Variants in TECTA observed in about 807,000 individuals in gnomAD.
The protein encoded by TECTA is tectorin alpha, also known as alpha-tectorin.
TECTA carries 128 observed loss-of-function variants against 216.8 expected under a neutral mutation model. The ratio of observed to expected loss-of-function variants is 0.59; its 90% CI spans 0.51 to 0.68. The LOEUF is 0.68. Ranked by LOEUF, TECTA falls within the 30% of genes least tolerant of loss-of-function variation. TECTA has a pLI of 0.00. For synonymous variants in TECTA, 1,089 were observed against 1,117.1 expected (o/e 0.97, Z 0.50); for missense variants, 2,551 against 2,786.2 (o/e 0.92, Z 1.90).
intron 20 of TECTA, among the ~76,000 whole-genome samples, chr11:121,177,144 T>A (rs1218518795): frequency 1.3e-5 from 2 of 152,198 alleles, no homozygotes; most frequent in Non-Finnish European, 2.9e-5. Context: ...CTCGGAGTAG[T>A]TTGATTGTCT....
chr11:121,190,109 G>T (rs1947327276), intron 23 of TECTA: 2 of 530,544 alleles, frequency 3.8e-6, no homozygotes, highest in Non-Finnish European at 6.8e-6. Flanking sequence ...AAATATAAAG[G>T]TAATTTAAAA....
rs567915339 is a variant in TECTA at position 121,145,911 on chromosome 11, G to T, written c.3900G>T (p.Leu1300=). Residue 1300 remains leucine (L), a synonymous_variant, in exon 12 of 24, where the codon CTG becomes CTT. Coordinates refer to ENST00000392793, the MANE Select transcript of TECTA (RefSeq NM_005422.4). ...KVEGFSKVQQ[L]CSLIPNQNAA... ...AAGGTTTCTCCAAAGTGCAGCAGCT[G>T]TGCAGCCTGATCCCCAACCAGAACG... is the stretch of plus-strand genomic sequence containing the variant. The T allele has an allele frequency of 6.2e-7, 1 of 1,614,266 alleles. No individual in the cohort carries two copies. The highest frequency in any genetic ancestry group is 1.1e-5 in the South Asian group (1 of 91,086).
chr11:121,130,947 G>GGCAGGAGTAAT (rs1222968837), intron 10 of TECTA, among the ~76,000 whole-genome samples: 3 of 152,028 alleles, frequency 2.0e-5, no homozygotes, highest in African/African-American at 7.3e-5. Context: ...GGGCATGGTG[G>GGCAGGAGTAAT]CTCACGCCTG....
chr11:121,173,108 G>C (rs1263474973), intron 20 of TECTA, among the ~76,000 whole-genome samples: 1 of 152,054 alleles, frequency 6.6e-6, no homozygotes, highest in Non-Finnish European at 1.5e-5. Flanking sequence ...CAGATGAGTA[G>C]GTTCCAAAAA....
intron 20 of TECTA, among the ~76,000 whole-genome samples, chr11:121,180,346 A>C (rs1171774384): frequency 6.6e-6 from 1 of 152,092 alleles, no homozygotes; most frequent in Non-Finnish European, 1.5e-5. Context: ...CTTGTCTGGG[A>C]AATACTATTT....
intron 11 of TECTA, among the ~76,000 whole-genome samples, chr11:121,140,576 C>T (rs1333645797): frequency 1.3e-5 from 2 of 152,214 alleles, no homozygotes; most frequent in Admixed American, 6.5e-5. Context: ...AACTCGTTCT[C>T]TCACAGTTCT....
At chr11:121,173,940 C>A (rs1223160320) in intron 20 of TECTA, among the ~76,000 whole-genome samples, 3 of 151,512 alleles carry the variant, frequency 2.0e-5, no homozygotes, top group Non-Finnish European at 3.0e-5. Context: ...GTATTTTATT[C>A]TCTTTGAAGC....
At chr11:121,117,618 C>T (rs1591439531) in intron 6 of TECTA, among the ~76,000 whole-genome samples, 1 of 152,254 alleles carries the variant, frequency 6.6e-6, no homozygotes, top group Non-Finnish European at 1.5e-5. Flanking sequence ...AAGGTCTGTC[C>T]GGTGCATAGA....
intron 10 of TECTA, among the ~76,000 whole-genome samples, chr11:121,135,312 A>G (rs922539471): frequency 5.3e-5 from 8 of 152,216 alleles, no homozygotes; most frequent in South Asian, 2.1e-4. Flanking sequence ...TCACACAGGC[A>G]TTCCGGGGCC....
intron 6 of TECTA, among the ~76,000 whole-genome samples, chr11:121,114,280 A>G (rs560294643): frequency 2.0e-5 from 3 of 152,328 alleles, no homozygotes; most frequent in African/African-American, 7.2e-5. Flanking sequence ...GGAGAATCAA[A>G]GCTGACTTTG....
intron 20 of TECTA, among the ~76,000 whole-genome samples, chr11:121,171,268 T>A (rs377381387): frequency 2.0e-5 from 3 of 152,134 alleles, no homozygotes; most frequent in African/African-American, 7.2e-5. Flanking sequence ...GAGTTCTGTT[T>A]TGTTACACTG....
intron 10 of TECTA, among the ~76,000 whole-genome samples, chr11:121,135,941 G>A (rs4427574): frequency 0.26 from 39,390 of 151,038 alleles, 6,332 homozygotes; most frequent in African/African-American, 0.45. Context: ...TGAGTATCCC[G>A]TGGTATTATC....
intron 11 of TECTA, among the ~76,000 whole-genome samples, chr11:121,143,826 G>A (rs922142986): frequency 2.0e-5 from 3 of 152,208 alleles, no homozygotes; most frequent in East Asian, 3.9e-4. Context: ...ATAGCACCAG[G>A]GCAAGAGATC....
chr11:121,126,919 T>A (rs755964826), intron 8 of TECTA, among the ~76,000 whole-genome samples: 6 of 152,248 alleles, frequency 3.9e-5, no homozygotes, highest in Non-Finnish European at 8.8e-5. Context: ...AATGTTACAA[T>A]GGCCACAGAT....
chr11:121,157,994 T>G lies in TECTA; in HGVS notation c.4459T>G (p.Cys1487Gly). The change falls in exon 14 of 24, where the codon TGC (cysteine) becomes GGC (glycine). Residue 1487 changes from cysteine to glycine, a missense_variant. By Grantham distance (159) the Cys-to-Gly change is radical (BLOSUM62 -3). Transcript: ENST00000392793. Reference sequence around the variant, plus strand: ...CTGCTTCAGCACCAAGACCTCCTACTGCCTGGCGGCCGGCGGCGGCGTCTT... The same window carrying G: ...CTGCTTCAGCACCAAGACCTCCTACGGCCTGGCGGCCGGCGGCGGCGTCTT... ...RGCFSTKTSY[C>G]LAAGGGVFRT... 6.2e-7 allele frequency: 1 copy of G among 1,613,284 alleles called. No homozygotes were observed. The highest frequency in any genetic ancestry group is 8.5e-7 in the Non-Finnish European group (1 of 1,179,946).
Position 121,167,387 on chromosome 11 carries a change from G to A in TECTA, c.5586+607G>A, listed in dbSNP as rs181921062. On this transcript the variant is annotated intron_variant, in intron 18 of 23. Transcript: ENST00000392793. ...TTCAAGGCTGCAGTGAGCTATGAATGTACCACGGCACTCCATCCTGGGTGA... is the reference window on the plus strand; with the variant it reads ...TTCAAGGCTGCAGTGAGCTATGAATATACCACGGCACTCCATCCTGGGTGA... 3.3e-3 allele frequency among the ~76,000 whole-genome samples: 502 copies of A among 152,310 alleles called. 3 individuals are homozygous for A. The highest frequency in any genetic ancestry group is 0.011 in the African/African-American group (477 of 41,560).
In TECTA at chr11:121,135,959, G is replaced by A. The variant is rs540858779; in HGVS notation, c.2942-1462G>A. On this transcript the variant is annotated intron_variant, in intron 10 of 23. Transcript: ENST00000392793. The stretch of plus-strand genomic sequence containing the variant: ...GTATCCCGTGGTATTATCATTTTAT[G>A]TGCTTTTTTTTTTTCTCCAGACGGA... Among the ~76,000 whole-genome samples the A allele has an allele frequency of 7.8e-3, 926 of 119,408 alleles. 15 individuals carry two copies. The highest frequency in any genetic ancestry group is 0.037 in the African/African-American group (872 of 23,570). The allele number at this position is 119,408 out of a possible 152,430, so 78.3% of individuals were successfully genotyped here.
chr11:121,160,489 G>A, intron 15 of TECTA, 68 bp downstream of exon 15: 2 of 1,587,462 alleles, frequency 1.3e-6, no homozygotes, highest in Non-Finnish European at 1.7e-6. Flanking sequence ...TGGGTGGTGT[G>A]AATGAGGAAT....
chr11:121,165,469 TGAA>T, intron 17 of TECTA, 86 bp downstream of exon 17: 1 of 1,124,008 alleles, frequency 8.9e-7, no homozygotes, highest in Admixed American at 2.3e-5. Flanking sequence ...TCCCACTTTG[TGAA>T]GCTTTCCCAA....
Sources: allele counts gnomAD v4.1 joint callset (sites outside exome capture counted in the v4.1 genomes callset), GRCh38; gene constraint gnomAD v4.1.1; transcripts MANE v1.5; gene names NCBI Gene and HGNC (gene_info 2026-07-23, HGNC 2026-07-21).